The following TMEM132B variants were observed in gnomAD, a reference collection of about 807,000 sequenced individuals.
TMEM132B encodes transmembrane protein 132B.
A neutral mutation model predicts 90.8 loss-of-function variants in TMEM132B; 18 were observed. The ratio of observed to expected loss-of-function variants is 0.20; its 90% confidence interval spans 0.14 to 0.29. The LOEUF is 0.29. TMEM132B is among the 10% of genes least tolerant of loss of function. The probability of loss-of-function intolerance (pLI) is 1.00; values close to 1 mark genes in which losing one functional copy is unlikely to be tolerated. For synonymous variants in TMEM132B, 504 were observed against 523.3 expected (o/e 0.96, Z 0.50); for missense variants, 1,096 against 1,326.8 (o/e 0.83, Z 2.70).
chr12:125,322,643 G>A (rs1476404327), intron 1 of TMEM132B, among the ~76,000 whole-genome samples: 1 of 152,076 alleles, frequency 6.6e-6, no homozygotes, highest in African/African-American at 2.4e-5. Flanking sequence ...CTTTAATTGG[G>A]TACGTTTTAT....
At chr12:125,557,490 T>C (rs1230879862) in intron 4 of TMEM132B, among the ~76,000 whole-genome samples, 1 of 152,206 alleles carries the variant, frequency 6.6e-6, no homozygotes, top group Non-Finnish European at 1.5e-5. Flanking sequence ...ATCTAATCTA[T>C]CTTATCAATC....
intron 3 of TMEM132B, among the ~76,000 whole-genome samples, chr12:125,503,032 G>C (rs1014562331): frequency 6.6e-6 from 1 of 152,154 alleles, no homozygotes; most frequent in Non-Finnish European, 1.5e-5. Flanking sequence ...CAGCAGGTGC[G>C]GTCCCAGACT....
intron 5 of TMEM132B, among the ~76,000 whole-genome samples, chr12:125,612,195 G>A (rs1028659632): frequency 6.6e-6 from 1 of 151,884 alleles, no homozygotes; most frequent in Non-Finnish European, 1.5e-5. Flanking sequence ...GACCAATAAG[G>A]CCAGGCACGG....
At chr12:125,533,590 C>T (rs1883707125) in intron 4 of TMEM132B, among the ~76,000 whole-genome samples, 1 of 152,232 alleles carries the variant, frequency 6.6e-6, no homozygotes, top group Admixed American at 6.5e-5. Context: ...GCCTCTCCTC[C>T]GGGGAAGGAC....
chr12:125,398,901 T>C (rs1879234355), intron 2 of TMEM132B, among the ~76,000 whole-genome samples: 2 of 152,220 alleles, frequency 1.3e-5, no homozygotes, highest in Admixed American at 1.3e-4. Flanking sequence ...TGTTCTCATC[T>C]GGAGGCCCAA....
At chr12:125,533,022 C>G (rs1270789533) in intron 4 of TMEM132B, among the ~76,000 whole-genome samples, 1 of 152,082 alleles carries the variant, frequency 6.6e-6, no homozygotes, top group Non-Finnish European at 1.5e-5. Flanking sequence ...AGCCTCTGTA[C>G]TGATCAGGAA....
intron 1 of TMEM132B, among the ~76,000 whole-genome samples, chr12:125,187,985 G>A (rs531512363): frequency 2.0e-5 from 3 of 152,280 alleles, no homozygotes; most frequent in African/African-American, 7.2e-5. Flanking sequence ...GAATGCAGTA[G>A]AAAAATACAA....
At chr12:125,542,792 A>C (rs2136733224) in intron 4 of TMEM132B, among the ~76,000 whole-genome samples, 1 of 152,332 alleles carries the variant, frequency 6.6e-6, no homozygotes, top group Non-Finnish European at 1.5e-5. Context: ...CACTGCTGTG[A>C]ACATGGGTGT....
intron 3 of TMEM132B, among the ~76,000 whole-genome samples, chr12:125,477,923 C>T (rs1173472042): frequency 6.7e-6 from 1 of 149,336 alleles, no homozygotes; most frequent in African/African-American, 2.4e-5. Flanking sequence ...ATTTGCTGTT[C>T]TGCAATATTT....
At chr12:125,257,442 C>T (rs991342467) in intron 1 of TMEM132B, among the ~76,000 whole-genome samples, 7 of 152,206 alleles carry the variant, frequency 4.6e-5, no homozygotes, top group Admixed American at 2.6e-4. Context: ...ACAGATTCTG[C>T]GTTTCTGGTT....
chr12:125,589,820 A>G (rs1049020300), intron 5 of TMEM132B, among the ~76,000 whole-genome samples: 14 of 152,076 alleles, frequency 9.2e-5, no homozygotes, highest in African/African-American at 2.7e-4. Context: ...CCATGATCCA[A>G]TCACCTTCCA....
Position 125,193,011 on chromosome 12 carries a change from G to T in TMEM132B, c.67+6145G>T, listed in dbSNP as rs557402674. ...ACAACGGCGTGCTGATGCCATTGTT[G>T]TGCTAACAACAACAGCCTAACAGCC... On this transcript the variant is annotated intron_variant, in intron 1 of 8. Transcript: ENST00000682704. Among the ~76,000 whole-genome samples, 6 of 152,242 alleles carry T rather than the reference G, an allele frequency of 3.9e-5. No individual in the cohort carries two copies. In the East Asian group the frequency reaches 1.2e-3, roughly 29 times the overall value.
rs1886699684 is a variant in TMEM132B, at chr12:125,644,160, C to T, written c.1522C>T (p.His508Tyr). 2 of 1,614,208 alleles carry T rather than the reference C, an allele frequency of 1.2e-6. No individual in the cohort carries two copies. The highest frequency in any genetic ancestry group is 1.7e-6 in the Non-Finnish European group (2 of 1,180,034). ...CACGATTGTGAACTTCACCCACCAG[C>T]ACTTCACCTCCCAGTTCGAGGTCAC... is the stretch of plus-strand genomic sequence containing the variant. ...VDTIVNFTHQHFTSQFEVTVW... is the reference protein window; with the variant it reads ...VDTIVNFTHQYFTSQFEVTVW... The change falls in exon 6 of 9, where the codon CAC (histidine) becomes TAC (tyrosine). Residue 508 changes from histidine to tyrosine, a missense_variant. Transcript: ENST00000682704.
At chr12:125,330,333 C>CTTT (rs75180932) in intron 1 of TMEM132B, among the ~76,000 whole-genome samples, 1 of 124,460 alleles carries the variant, frequency 8.0e-6, no homozygotes, top group Non-Finnish European at 1.8e-5. Context: ...TAAGGGGTTT[C>CTTT]TTTTTTTTTT....
chr12:125,589,581 G>A (rs1885272048), intron 5 of TMEM132B, among the ~76,000 whole-genome samples: 1 of 151,132 alleles, frequency 6.6e-6, no homozygotes, highest in Non-Finnish European at 1.5e-5. Flanking sequence ...TATACAGGAA[G>A]CATGGTTCTG....
chr12:125,500,998 C>T (rs1005689267), intron 3 of TMEM132B, among the ~76,000 whole-genome samples: 8 of 152,128 alleles, frequency 5.3e-5, no homozygotes, highest in Admixed American at 3.9e-4. Context: ...CAGGTGAAGA[C>T]AGTTCAGAAC....
At position 125,438,826 on chromosome 12, in the gene TMEM132B, T is replaced by C. The variant is rs145868139; in HGVS notation, c.1106+23149T>C. ...TATGAATGGCATTGTGCTAAAAGAA[T>C]CATTCTGCAATTTGCCTATTTTGCT... On this transcript the variant is annotated intron_variant, in intron 3 of 8. Coordinates refer to ENST00000682704, the MANE Select transcript of TMEM132B (RefSeq NM_001366854.1). Among the ~76,000 whole-genome samples the C allele has an allele frequency of 3.3e-5, 5 of 152,358 alleles. No homozygotes were observed. The East Asian group carries it at 7.7e-4, about 23-fold the overall frequency.
At position 125,276,968 on chromosome 12, in the gene TMEM132B, A is replaced by C. The variant is rs1875009081; in HGVS notation, c.68-72484A>C. ...GTCTTTCATCACACTGTCTTACCAC[A>C]TGCGATTTTAACGTAGAGGTTGCGA... On this transcript the variant is annotated intron_variant, in intron 1 of 8. Transcript: ENST00000682704. Among the ~76,000 whole-genome samples the C allele has an allele frequency of 1.3e-5, 2 of 152,202 alleles. 1 individual carries two copies. Among genetic ancestry groups the C allele is most frequent in the Admixed American group, 1.3e-4 (2 of 15,276 alleles).
rs576269912 is a variant in TMEM132B, at chr12:125,255,730, CA to C, written c.67+68865del. On this transcript the variant is annotated intron_variant, in intron 1 of 8. Coordinates refer to ENST00000682704, the MANE Select transcript of TMEM132B (RefSeq NM_001366854.1). Reference sequence around the variant, plus strand: ...TATTTATTTATTTATTTTGATCTCACAGGGGCAGTTGGAATACAGGTGAAAT... The same window carrying C: ...TATTTATTTATTTATTTTGATCTCACGGGGCAGTTGGAATACAGGTGAAAT... 5.3e-5 allele frequency among the ~76,000 whole-genome samples: 8 copies of C among 152,206 alleles called. No homozygotes were observed. The East Asian group carries it at 1.2e-3, about 22-fold the overall frequency.
Sources: gnomAD v4.1 joint callset for allele counts (sites outside exome capture counted in the v4.1 genomes callset) on GRCh38, gnomAD v4.1.1 for gene constraint, MANE v1.5 for transcripts, NCBI Gene and HGNC (gene_info 2026-07-23, HGNC 2026-07-21) for gene names.